The following LEKR1 variants were observed in gnomAD, a reference collection of about 807,000 sequenced individuals.
LEKR1 encodes the protein protein LEKR1.
In LEKR1, 59 loss-of-function variants were observed where a neutral mutation model predicts 72.4. The observed-to-expected ratio is 0.82, with a 90% CI of 0.66 to 1.01. LEKR1 has a LOEUF of 1.01. Ranked by LOEUF, LEKR1 falls within the 50% of genes least tolerant of loss-of-function variation. LEKR1 has a pLI of 0.00. For missense variants in LEKR1, 728 were observed against 759.2 expected (o/e 0.96, Z 0.48); for synonymous variants, 257 against 263.2 (o/e 0.98, Z 0.23).
At chr3:156,996,494 G>A (rs1169810303) in intron 9 of LEKR1, among the ~76,000 whole-genome samples, 3 of 152,202 alleles carry the variant, frequency 2.0e-5, no homozygotes, top group African/African-American at 7.2e-5. Context: ...TGTTTTCAGT[G>A]CAATGAAGAG....
At chr3:156,893,467 G>A (rs1053378678) in intron 3 of LEKR1, among the ~76,000 whole-genome samples, 4 of 152,160 alleles carry the variant, frequency 2.6e-5, no homozygotes, top group Non-Finnish European at 5.9e-5. Flanking sequence ...ATGTTGAAAT[G>A]TAATTCCCAG....
chr3:156,965,941 G>A lies in LEKR1; in HGVS notation c.746-13253G>A, dbSNP rs145608547. Among the ~76,000 whole-genome samples, 474 of 152,138 alleles carry A rather than the reference G, an allele frequency of 3.1e-3. 1 individual carries two copies. The highest frequency in any genetic ancestry group is 0.011 in the African/African-American group (456 of 41,514). The stretch of plus-strand genomic sequence containing the variant: ...AAATGAGATATTACTTTTGTAAAAG[G>A]CTAATAGCTCATCAAACTGTGATAT... On this transcript the variant is annotated intron_variant, in intron 6 of 12. Coordinates refer to ENST00000356539, the MANE Select transcript of LEKR1 (RefSeq NM_001004316.3).
chr3:156,943,119 G>A (rs953303458), intron 6 of LEKR1, among the ~76,000 whole-genome samples: 2 of 151,904 alleles, frequency 1.3e-5, no homozygotes, highest in African/African-American at 4.8e-5. Flanking sequence ...TTTAAAGTTT[G>A]TCTCCACCTC....
intron 6 of LEKR1, among the ~76,000 whole-genome samples, chr3:156,950,111 T>A (rs888621439): frequency 4.6e-5 from 7 of 151,346 alleles, no homozygotes; most frequent in Non-Finnish European, 1.0e-4. Flanking sequence ...TATTAATATA[T>A]CCATTTCACC....
chr3:156,848,330 G>A (rs1714882017), intron 2 of LEKR1, among the ~76,000 whole-genome samples: 1 of 152,096 alleles, frequency 6.6e-6, no homozygotes, highest in African/African-American at 2.4e-5. Context: ...TGTATACAGT[G>A]CCCATAAATT....
At chr3:156,987,231 C>G (rs572785889) in intron 7 of LEKR1, among the ~76,000 whole-genome samples, 1 of 152,036 alleles carries the variant, frequency 6.6e-6, no homozygotes, top group Non-Finnish European at 1.5e-5. Context: ...CCAATTTATC[C>G]GTCCTAATGA....
At chr3:156,898,010 G>A (rs944131108) in intron 3 of LEKR1, among the ~76,000 whole-genome samples, 1 of 151,870 alleles carries the variant, frequency 6.6e-6, no homozygotes, top group African/African-American at 2.4e-5. Flanking sequence ...TCTTATAATG[G>A]CTGCCTTTAG....
intron 3 of LEKR1, among the ~76,000 whole-genome samples, chr3:156,870,195 T>C (rs905536677): frequency 6.6e-6 from 1 of 152,094 alleles, no homozygotes; most frequent in Non-Finnish European, 1.5e-5. Flanking sequence ...TGAACTCCCT[T>C]GGTTCCACGC....
intron 2 of LEKR1, among the ~76,000 whole-genome samples, chr3:156,841,326 T>C (rs1289465361): frequency 1.3e-5 from 2 of 152,258 alleles, no homozygotes; most frequent in African/African-American, 4.8e-5. Flanking sequence ...ATATAAAATA[T>C]GTATTTATTT....
At chr3:157,043,886 T>C (rs1281553073) in intron 12 of LEKR1, among the ~76,000 whole-genome samples, 1 of 152,214 alleles carries the variant, frequency 6.6e-6, no homozygotes, top group African/African-American at 2.4e-5. Context: ...ATAAATCGTA[T>C]ATGTAAATGA....
rs543432180 is a variant in LEKR1 at position 156,935,955 on chromosome 3, A to G, written c.560-6574A>G. Among the ~76,000 whole-genome samples the G allele has an allele frequency of 3.5e-4, 54 of 152,366 alleles. No homozygotes were observed. In the South Asian group the frequency reaches 0.01, roughly 29 times the overall value. The stretch of plus-strand genomic sequence containing the variant: ...TAAATAGTGAAATGAACATTTTAAC[A>G]TAAAATTTGTAAATGTTATAATTTA... On this transcript the variant is annotated intron_variant, in intron 5 of 12. Transcript: ENST00000356539.
chr3:156,906,629 G>A (rs890598137), intron 3 of LEKR1, among the ~76,000 whole-genome samples: 11 of 152,040 alleles, frequency 7.2e-5, no homozygotes, highest in African/African-American at 2.4e-4. Context: ...TGATGTGTAC[G>A]GTAAAAGTAA....
At chr3:156,878,368 G>A (rs1032284694) in intron 3 of LEKR1, among the ~76,000 whole-genome samples, 3 of 152,016 alleles carry the variant, frequency 2.0e-5, no homozygotes, top group Non-Finnish European at 2.9e-5. Context: ...TTTCCCTCTT[G>A]ATTTCATTGT....
chr3:156,900,623 C>G lies in LEKR1; in HGVS notation c.264-19952C>G, dbSNP rs1721933735. 2.0e-5 allele frequency among the ~76,000 whole-genome samples: 3 copies of G among 152,208 alleles called. No individual in the cohort carries two copies. The South Asian group carries it at 6.2e-4, about 32-fold the overall frequency. ...AAACTTCCAATGCAAAGATATAGGA[C>G]TTGAGTTAGAAAATATTTAGTGAAA... On this transcript the variant is annotated intron_variant, in intron 3 of 12. Coordinates refer to ENST00000356539, the MANE Select transcript of LEKR1 (RefSeq NM_001004316.3).
At chr3:156,942,861 T>G in intron 6 of LEKR1, 147 bp downstream of exon 6, 1 of 335,356 alleles carries the variant, frequency 3.0e-6, no homozygotes, top group Admixed American at 5.2e-5. Context: ...ACTATGGTGA[T>G]AACTGTGTCT....
chr3:156,838,052 C>T (rs1027373977), intron 2 of LEKR1, among the ~76,000 whole-genome samples: 6 of 152,198 alleles, frequency 3.9e-5, no homozygotes, highest in Non-Finnish European at 7.3e-5. Flanking sequence ...AAAACACAGA[C>T]ACCAGTCACC....
intron 3 of LEKR1, among the ~76,000 whole-genome samples, chr3:156,871,256 T>G (rs1184959473): frequency 6.6e-6 from 1 of 152,118 alleles, no homozygotes; most frequent in Non-Finnish European, 1.5e-5. Context: ...GATTTCCAAT[T>G]TCATCCATGT....
At chr3:156,963,017 C>T (rs1027354478) in intron 6 of LEKR1, among the ~76,000 whole-genome samples, 1 of 152,098 alleles carries the variant, frequency 6.6e-6, no homozygotes, top group African/African-American at 2.4e-5. Flanking sequence ...TAAATTCACC[C>T]CTCTCAGATA....
chr3:156,850,240 GAT>G (rs1715187680), intron 2 of LEKR1, among the ~76,000 whole-genome samples: 1 of 151,026 alleles, frequency 6.6e-6, no homozygotes, highest in Non-Finnish European at 1.5e-5. Flanking sequence ...GATAATATAA[GAT>G]ATATATTTTT....
Sources: allele counts gnomAD v4.1 joint callset (sites outside exome capture counted in the v4.1 genomes callset), GRCh38; gene constraint gnomAD v4.1.1; transcripts MANE v1.5; gene names NCBI Gene and HGNC (gene_info 2026-07-23, HGNC 2026-07-21).